Variants in RASSF3 observed in about 807,000 individuals in gnomAD.
RASSF3 encodes the protein Ras association domain family member 3, also known as ras association domain-containing protein 3.
A neutral mutation model predicts 19.9 loss-of-function variants in RASSF3; 19 were observed. That is an observed-to-expected ratio of 0.96 (90% CI 0.67 to 1.40). RASSF3 has a LOEUF of 1.40. Among genes scored for constraint, RASSF3 ranks in the 40% most tolerant of loss-of-function variants. The probability of loss-of-function intolerance (pLI) is 0.00; values close to 1 mark genes in which losing one functional copy is unlikely to be tolerated. For synonymous variants in RASSF3, 110 were observed against 104.2 expected, an observed-to-expected ratio of 1.06 and a Z score of -0.34; for missense variants, 306 against 289.8, an observed-to-expected ratio of 1.06 and a Z score of -0.41.
chr12:64,532,178 C>G (rs551005283), upstream of RASSF3, among the ~76,000 whole-genome samples: 16 of 152,278 alleles, frequency 1.1e-4, no homozygotes, highest in East Asian at 5.8e-4. Flanking sequence ...AGCTCTGCCC[C>G]CTCTCAGGAT....
In RASSF3 at chr12:64,697,368, C is replaced by T. The variant is rs1298475913; in HGVS notation, c.*2456C>T. On this transcript the variant is annotated 3_prime_UTR_variant, in exon 5 of 5. Transcript: ENST00000542104. ...CTTTGCTGTAATACTGTTTTCTCTT[C>T]AATATGTGATGGTACAGGAAGGATG... 1 of 152,024 alleles carries T rather than the reference C, an allele frequency of 6.6e-6. No homozygotes were observed. Among genetic ancestry groups the T allele is most frequent in the Non-Finnish European group, 1.5e-5 (1 of 68,020 alleles). The allele number at this position is 152,024 out of a possible 1,614,324, so 9.4% of individuals were successfully genotyped here.
intron 1 of RASSF3, among the ~76,000 whole-genome samples, chr12:64,683,787 T>C (rs1873224581): frequency 6.6e-6 from 1 of 152,184 alleles, no homozygotes; most frequent in African/African-American, 2.4e-5. Context: ...GAAATGATGT[T>C]TTTGCAGAAG....
intron 1 of RASSF3, among the ~76,000 whole-genome samples, chr12:64,642,865 C>CT (rs537286977): frequency 2.5e-3 from 345 of 138,840 alleles, no homozygotes; most frequent in Admixed American, 2.8e-3. Flanking sequence ...TTCTTTCTTT[C>CT]TTTTTTTTTT....
intron 1 of RASSF3, among the ~76,000 whole-genome samples, chr12:64,680,624 T>C (rs1035468738): frequency 1.3e-4 from 20 of 152,132 alleles, no homozygotes; most frequent in African/African-American, 3.6e-4. Context: ...TTTTTTGTTT[T>C]TGTTTTTGAG....
At chr12:64,549,039 C>A (rs1341694492) in intron 2 of RASSF3, among the ~76,000 whole-genome samples, 8 of 152,068 alleles carry the variant, frequency 5.3e-5, no homozygotes, top group Admixed American at 3.3e-4. Flanking sequence ...GAGTGAACTC[C>A]CAGAAAAGTG....
At chr12:64,527,542 G>A (rs1868613982) in intron 1 of RASSF3, among the ~76,000 whole-genome samples, 1 of 152,122 alleles carries the variant, frequency 6.6e-6, no homozygotes, top group Non-Finnish European at 1.5e-5. Flanking sequence ...CTCCCTACTA[G>A]TATTTTTACT....
chr12:64,527,292 G>GT (rs1487023599), intron 1 of RASSF3, among the ~76,000 whole-genome samples: 2 of 152,164 alleles, frequency 1.3e-5, no homozygotes, highest in African/African-American at 2.4e-5. Flanking sequence ...GCAGATGACT[G>GT]TAAGAAAGCA....
intron 1 of RASSF3, among the ~76,000 whole-genome samples, chr12:64,614,174 C>T (rs2136156192): frequency 7.0e-6 from 1 of 143,824 alleles, no homozygotes; most frequent in Middle Eastern, 3.8e-3. Context: ...ACTCTTGTTG[C>T]CCAGGCTGGA....
intron 1 of RASSF3, among the ~76,000 whole-genome samples, chr12:64,646,746 AT>A (rs5798750): frequency 0.41 from 58,942 of 143,740 alleles, 11,894 homozygotes; most frequent in Middle Eastern, 0.54. Context: ...TTCTCTCTCC[AT>A]TTTTTTTTTT....
intron 2 of RASSF3, among the ~76,000 whole-genome samples, chr12:64,571,060 A>C (rs1389315746): frequency 2.0e-5 from 3 of 152,112 alleles, no homozygotes; most frequent in East Asian, 1.9e-4. Flanking sequence ...TCTACTAAAA[A>C]TACAAAAATC....
chr12:64,637,206 A>C (rs1871354383), intron 1 of RASSF3, among the ~76,000 whole-genome samples: 1 of 152,194 alleles, frequency 6.6e-6, no homozygotes, highest in Non-Finnish European at 1.5e-5. Flanking sequence ...TTGGGGGCTG[A>C]ATAGAAAAGG....
intron 2 of RASSF3, among the ~76,000 whole-genome samples, chr12:64,567,724 T>A (rs910192302): frequency 2.0e-5 from 3 of 152,214 alleles, no homozygotes; most frequent in Admixed American, 6.5e-5. Context: ...TGTTCCCTGA[T>A]AAGAGTCTCA....
chr12:64,650,618 T>C (rs1050125927), intron 1 of RASSF3, among the ~76,000 whole-genome samples: 2 of 151,986 alleles, frequency 1.3e-5, no homozygotes, highest in Non-Finnish European at 2.9e-5. Flanking sequence ...GGTTTCACTA[T>C]GTTGGCCAGA....
At chr12:64,521,033 T>C (rs1348770337) in intron 1 of RASSF3, among the ~76,000 whole-genome samples, 2 of 152,092 alleles carry the variant, frequency 1.3e-5, no homozygotes, top group East Asian at 1.9e-4. Context: ...TGTCGGGTCA[T>C]CTGTAGAAGG....
chr12:64,519,227 CCATCTCTA>C (rs1211053736), intron 1 of RASSF3, among the ~76,000 whole-genome samples: 1 of 152,110 alleles, frequency 6.6e-6, no homozygotes, highest in Non-Finnish European at 1.5e-5. Context: ...TGGAGAGACC[CCATCTCTA>C]CTAAAAATAG....
intron 1 of RASSF3, among the ~76,000 whole-genome samples, chr12:64,622,286 T>C (rs1397864173): frequency 6.7e-6 from 1 of 150,062 alleles, no homozygotes; most frequent in East Asian, 2.0e-4. Flanking sequence ...GGTGTCAAAC[T>C]CCTGAGCTCG....
intron 1 of RASSF3, among the ~76,000 whole-genome samples, chr12:64,514,333 C>G (rs943529856): frequency 2.0e-5 from 3 of 151,406 alleles, no homozygotes; most frequent in Non-Finnish European, 4.4e-5. Context: ...ACTACAGGCA[C>G]GTGCCACTAC....
At chr12:64,650,617 A>G (rs996838614) in intron 1 of RASSF3, among the ~76,000 whole-genome samples, 3 of 151,780 alleles carry the variant, frequency 2.0e-5, no homozygotes, top group African/African-American at 7.3e-5. Flanking sequence ...GGGTTTCACT[A>G]TGTTGGCCAG....
Position 64,510,209 on chromosome 12 carries a change from A to G in RASSF3, c.169+2880A>G, listed in dbSNP as rs535312444. Reference sequence around the variant, plus strand: ...AAGAACTATCTTTTCTTCTATCTCCAGTGTTTAACATAGTGTTTTGTATGT... The same window carrying G: ...AAGAACTATCTTTTCTTCTATCTCCGGTGTTTAACATAGTGTTTTGTATGT... On this transcript the variant is annotated intron_variant, in intron 1 of 5. Transcript: ENST00000637125. Among the ~76,000 whole-genome samples, 632 of 152,252 alleles carry G rather than the reference A, an allele frequency of 4.2e-3. 3 individuals carry two copies. Among genetic ancestry groups the G allele is most frequent in the African/African-American group, 0.014 (594 of 41,542 alleles).
Sources: gnomAD v4.1 joint callset for allele counts (sites outside exome capture counted in the v4.1 genomes callset) on GRCh38, gnomAD v4.1.1 for gene constraint, MANE v1.5 for transcripts, NCBI Gene and HGNC (gene_info 2026-07-23, HGNC 2026-07-21) for gene names.